Variants in LGI1 observed in about 807,000 individuals in gnomAD.
The protein encoded by LGI1 is leucine-rich glioma-inactivated protein 1.
A neutral mutation model predicts 57.7 loss-of-function variants in LGI1; 11 were observed. The observed-to-expected ratio is 0.19, with a 90% CI of 0.12 to 0.32. LGI1 has a LOEUF of 0.32. Ranked by LOEUF, LGI1 falls within the 10% of genes least tolerant of loss-of-function variation. The pLI is 1.00. For missense variants in LGI1, 422 were observed against 661.9 expected (o/e 0.64, Z 3.98); for synonymous variants, 222 against 241.9 (o/e 0.92, Z 0.76).
chr10:93,779,413 GGAGGGAGGGAGC>G (rs1017565374), intron 4 of LGI1, among the ~76,000 whole-genome samples: 10 of 144,278 alleles, frequency 6.9e-5, no homozygotes, highest in African/African-American at 2.6e-4. Flanking sequence ...AAGGAAGGAA[GGAGGGAGGGAGC>G]GAGGGAGGGA....
At chr10:93,781,689 A>G (rs2059849110) in intron 4 of LGI1, among the ~76,000 whole-genome samples, 1 of 152,192 alleles carries the variant, frequency 6.6e-6, no homozygotes, top group African/African-American at 2.4e-5. Context: ...CATGAATAAA[A>G]AATTAGTTTA....
rs150969389 is a variant in LGI1, at chr10:93,787,251, G to A, written c.432-2848G>A. On this transcript the variant is annotated intron_variant, in intron 4 of 7. Transcript: ENST00000371418. ...TTGAATTTTTGGTAGCGGAGCATCA[G>A]AGGGTTGACACTGGGTTCAGCGAAT... is the stretch of plus-strand genomic sequence containing the variant. Among the ~76,000 whole-genome samples, 432 of 152,262 alleles carry A rather than the reference G, an allele frequency of 2.8e-3. 2 individuals carry two copies. Among genetic ancestry groups the A allele is most frequent in the African/African-American group, 8.4e-3 (351 of 41,548 alleles).
intron 4 of LGI1, among the ~76,000 whole-genome samples, chr10:93,782,140 A>G (rs1281397255): frequency 6.6e-6 from 1 of 152,184 alleles, no homozygotes. Flanking sequence ...TTTATTTTCC[A>G]TTATTTACTA....
intron 7 of LGI1, among the ~76,000 whole-genome samples, chr10:93,795,797 C>G (rs7091384): frequency 0.036 from 5,543 of 152,252 alleles, 298 homozygotes; most frequent in East Asian, 0.12. Context: ...AGTCTAAAGT[C>G]TCATTGTACA....
At chr10:93,769,125 TATTA>T (rs1241169152) in intron 2 of LGI1, 2 of 152,220 alleles carry the variant, frequency 1.3e-5, no homozygotes, top group African/African-American at 4.8e-5. Flanking sequence ...ATCAGCCTAT[TATTA>T]ATTATCATTT....
intron 4 of LGI1, among the ~76,000 whole-genome samples, chr10:93,778,206 C>G (rs2059810391): frequency 6.6e-6 from 1 of 152,158 alleles, no homozygotes; most frequent in Admixed American, 6.5e-5. Context: ...AGGGATTCTT[C>G]TACTGCTTAG....
At chr10:93,783,697 C>CTCAT (rs1040626615) in intron 4 of LGI1, among the ~76,000 whole-genome samples, 3 of 152,160 alleles carry the variant, frequency 2.0e-5, no homozygotes, top group South Asian at 4.1e-4. Flanking sequence ...TCCAGCCTGC[C>CTCAT]TCATTCATTC....
intron 7 of LGI1, among the ~76,000 whole-genome samples, chr10:93,795,183 A>C (rs2059969810): frequency 6.6e-6 from 1 of 152,184 alleles, no homozygotes; most frequent in African/African-American, 2.4e-5. Context: ...AAACTTTCTG[A>C]GGGCATCTCA....
At chr10:93,783,263 C>T (rs1332766120) in intron 4 of LGI1, among the ~76,000 whole-genome samples, 8 of 152,230 alleles carry the variant, frequency 5.3e-5, no homozygotes, top group Admixed American at 5.2e-4. Flanking sequence ...GTAGTCCCAG[C>T]TACTCGGGAG....
At chr10:93,796,790 G>A (rs2059983744) in intron 7 of LGI1, among the ~76,000 whole-genome samples, 178 bp from the exon 8 acceptor site, 3 of 152,168 alleles carry the variant, frequency 2.0e-5, no homozygotes, top group African/African-American at 7.2e-5. Context: ...AGGCACAAAG[G>A]CACGGAACTT....
chr10:93,774,380 A>G (rs186877670), intron 2 of LGI1, among the ~76,000 whole-genome samples: 74 of 152,220 alleles, frequency 4.9e-4, no homozygotes, highest in South Asian at 6.2e-4. Context: ...TTCAACACAG[A>G]TCTAGGTATC....
At chr10:93,781,915 T>C (rs1210594929) in intron 4 of LGI1, among the ~76,000 whole-genome samples, 1 of 152,212 alleles carries the variant, frequency 6.6e-6, no homozygotes, top group Admixed American at 6.5e-5. Context: ...GAGTATCCAA[T>C]GGTTGCTCAG....
chr10:93,792,449 A>G (rs1255411624), intron 5 of LGI1: 2 of 332,262 alleles, frequency 6.0e-6, no homozygotes, highest in Non-Finnish European at 1.1e-5. Context: ...ATTTTAAATT[A>G]CAATTACGGT....
chr10:93,776,302 G>A (rs1012287750), intron 2 of LGI1, among the ~76,000 whole-genome samples: 1 of 152,140 alleles, frequency 6.6e-6, no homozygotes, highest in Admixed American at 6.6e-5. Context: ...ATATATAAAT[G>A]TAGACAAAAT....
intron 2 of LGI1, among the ~76,000 whole-genome samples, chr10:93,761,549 A>C (rs530442301): frequency 1.3e-5 from 2 of 152,184 alleles, no homozygotes; most frequent in Admixed American, 1.3e-4. Flanking sequence ...CTATGATGAG[A>C]AGTACTTGTT....
intron 4 of LGI1, among the ~76,000 whole-genome samples, chr10:93,780,536 A>G (rs565750768): frequency 4.5e-4 from 68 of 152,338 alleles, no homozygotes; most frequent in Non-Finnish European, 7.1e-4. Flanking sequence ...GGAAGAGGTT[A>G]CAAAGCTTTC....
intron 2 of LGI1, among the ~76,000 whole-genome samples, chr10:93,766,120 A>G (rs2059675065): frequency 6.6e-6 from 1 of 152,194 alleles, no homozygotes; most frequent in Non-Finnish European, 1.5e-5. Flanking sequence ...CAATCTCCCA[A>G]ACAGGTCCAA....
intron 5 of LGI1, 37 bp downstream of exon 5, chr10:93,790,207 A>G (rs775509469): frequency 6.7e-7 from 1 of 1,494,324 alleles, no homozygotes; most frequent in South Asian, 1.2e-5. Context: ...CAATTAATTA[A>G]TTTGCAGTCA....
intron 2 of LGI1, 102 bp from the exon 3 acceptor site, chr10:93,777,277 T>G: frequency 1.0e-6 from 1 of 999,152 alleles, no homozygotes; most frequent in South Asian, 1.3e-5. Context: ...ATGCAGACAT[T>G]TTTCTGTATA....
Sources: allele counts gnomAD v4.1 joint callset (sites outside exome capture counted in the v4.1 genomes callset), GRCh38; gene constraint gnomAD v4.1.1; transcripts MANE v1.5; gene names NCBI Gene and HGNC (gene_info 2026-07-23, HGNC 2026-07-21).